ARHGEF40: variants seen among roughly 807,000 people sequenced by gnomAD.
ARHGEF40 encodes Rho guanine nucleotide exchange factor 40.
Under a neutral mutation model 165.9 loss-of-function variants are expected in ARHGEF40, and 98 were observed. The ratio of observed to expected loss-of-function variants is 0.59; its 90% CI spans 0.50 to 0.70. ARHGEF40 has a LOEUF of 0.70. ARHGEF40 is among the 30% of genes least tolerant of loss of function. The pLI is 0.00. For synonymous variants in ARHGEF40, 792 were observed against 814.3 expected (o/e 0.97, Z 0.47); for missense variants, 1,815 against 1,968.0 (o/e 0.92, Z 1.47).
rs1886638776 is a variant in ARHGEF40 at position 21,070,457 on chromosome 14, G to A, written c.3+58G>A. On this transcript the variant is annotated intron_variant, in intron 1 of 23. Coordinates refer to ENST00000298694, the MANE Select transcript of ARHGEF40 (RefSeq NM_018071.5). This position sits in a 1 kb window ranked among gnomAD's most constrained non-coding sequence, Gnocchi z 4.7. ...TCGGCCTTCGCGCAGCCCGCTCCGG[G>A]CCCCCAAGTCCTCAGCCTGGTGCCT... is the stretch of plus-strand genomic sequence containing the variant. 5 of 1,354,712 alleles carry A rather than the reference G, an allele frequency of 3.7e-6. No homozygotes were observed. The highest frequency in any genetic ancestry group is 1.9e-5 in the South Asian group (1 of 52,490). The allele number at this position is 1,354,712 out of a possible 1,614,324, so 83.9% of individuals were successfully genotyped here.
rs1244988320 is a variant in ARHGEF40, at chr14:21,077,882, G to A, written c.2035-295G>A. 2.0e-5 allele frequency among the ~76,000 whole-genome samples: 3 copies of A among 152,196 alleles called. No homozygotes were observed. In the East Asian group the frequency reaches 5.8e-4, roughly 29 times the overall value. ...GGGAAGCCCCACTGAAGACAGACAG[G>A]AAGGTCACAGTTACCAAGCTGTACA... is the stretch of plus-strand genomic sequence containing the variant. On this transcript the variant is annotated intron_variant, in intron 8 of 23. Coordinates refer to ENST00000298694, the MANE Select transcript of ARHGEF40 (RefSeq NM_018071.5).
rs753872972 is a variant in ARHGEF40 at position 21,074,907 on chromosome 14, C to T, written c.1177C>T (p.Arg393Ter). 3 of 1,608,946 alleles carry T rather than the reference C, an allele frequency of 1.9e-6. No individual in the cohort carries two copies. The highest frequency in any genetic ancestry group is 1.7e-5 in the Admixed American group (1 of 58,964). Reference sequence around the variant, plus strand: ...AGCTGCAGGTCGAGGGGCTCTTAGCCGAGGAGGGGACAGTGCCCCACTGAG... The same window carrying T: ...AGCTGCAGGTCGAGGGGCTCTTAGCTGAGGAGGGGACAGTGCCCCACTGAG... ...KRAAGRGALSRGGDSAPLSPG... is the reference protein window; with the variant it reads ...KRAAGRGALS Residue 393 changes from arginine (R) to a stop codon, truncating the protein, a stop_gained, in exon 3 of 24, where the codon CGA becomes TGA. Coordinates refer to ENST00000298694, the MANE Select transcript of ARHGEF40 (RefSeq NM_018071.5). LOFTEE classifies it high-confidence loss of function. The surrounding 1 kb of genome is among the most constrained non-coding windows in gnomAD (Gnocchi z 4.8).
chr14:21,083,066 C>A, intron 16 of ARHGEF40, 149 bp downstream of exon 16: 2 of 724,760 alleles, frequency 2.8e-6, no homozygotes, highest in Non-Finnish European at 4.6e-6. Flanking sequence ...GTGGGACAAG[C>A]ACCGGACTGG....
At chr14:21,085,608 G>T in intron 18 of ARHGEF40, 81 bp from the exon 19 acceptor site, 6 of 1,505,588 alleles carry the variant, frequency 4.0e-6, no homozygotes, top group Non-Finnish European at 5.4e-6. Flanking sequence ...CAGATGCCAG[G>T]CGAAGCCCAG....
intron 7 of ARHGEF40, 37 bp from the exon 8 acceptor site, chr14:21,076,737 G>C: frequency 6.2e-7 from 1 of 1,610,010 alleles, no homozygotes; most frequent in Non-Finnish European, 8.5e-7. Context: ...GAGTCCTTGG[G>C]TGCCCAGGAA....
At chr14:21,067,640 A>G (rs1324065479), upstream of ARHGEF40, among the ~76,000 whole-genome samples, 1 of 152,152 alleles carries the variant, frequency 6.6e-6, no homozygotes, top group Non-Finnish European at 1.5e-5. Flanking sequence ...ACTGTTTGTG[A>G]ATGAGAAGGC....
chr14:21,087,533 T>C, intron 21 of ARHGEF40, 70 bp downstream of exon 21: 1 of 1,564,822 alleles, frequency 6.4e-7, no homozygotes, highest in South Asian at 1.1e-5. Flanking sequence ...TGCTTGCTGC[T>C]GAGCAATTCC....
In ARHGEF40 at chr14:21,083,937, G is replaced by C. The variant is rs760731994; in HGVS notation, c.3676G>C (p.Gly1226Arg). 6.2e-7 allele frequency: 1 copy of C among 1,614,078 alleles called. No individual in the cohort carries two copies. The change falls in exon 17 of 24, where the codon GGG becomes CGG. Residue 1226 changes from glycine (G) to arginine (R), a missense_variant. Physicochemically the swap from Gly to Arg is moderately radical, Grantham distance 125. Transcript: ENST00000298694. ...RLLEELLREA[G>R]PELSSECRAL... ...CCTGGAGGAGCTCCTGAGGGAAGCTGGGCCTGAGCTCAGTTCTGAGTGCCG... is the reference window on the plus strand; with the variant it reads ...CCTGGAGGAGCTCCTGAGGGAAGCTCGGCCTGAGCTCAGTTCTGAGTGCCG...
rs546541602 is a variant in ARHGEF40 at position 21,084,985 on chromosome 14, G to A, written c.3960+62G>A. On this transcript the variant is annotated intron_variant, in intron 18 of 23. Transcript: ENST00000298694. ...AGTCATTCTCTTCTTGAGAACTCAG[G>A]ATGTTCTGGAAATTCAGCCCCAACA... 6.9e-5 allele frequency: 109 copies of A among 1,569,916 alleles called. No homozygotes were observed. In the South Asian group the frequency reaches 1.2e-3, roughly 18 times the overall value.
chr14:21,084,786 C>T lies in ARHGEF40; in HGVS notation c.3823C>T (p.Arg1275Ter). 1 of 1,614,038 alleles carries T rather than the reference C, an allele frequency of 6.2e-7. No individual in the cohort carries two copies. The highest frequency in any genetic ancestry group is 1.3e-5 in the African/African-American group (1 of 75,050). ...GAAGGAGCAGGGACAGCTCTTGCAT[C>T]GAGACCCCTTCACTGTCATCTGTGG... ...DLKEQGQLLH[R>*]DPFTVICGRK... The change falls in exon 18 of 24, where the codon CGA (arginine) becomes TGA (stop). Residue 1275 changes from arginine to a stop codon, truncating the protein, a stop_gained. Transcript: ENST00000298694. LOFTEE classifies it high-confidence loss of function.
Position 21,078,397 on chromosome 14 carries a change from C to G in ARHGEF40, c.2155C>G (p.Leu719Val). Residue 719 changes from leucine to valine, a missense_variant, in exon 10 of 24, where the codon CTG (leucine) becomes GTG (valine). Coordinates refer to ENST00000298694, the MANE Select transcript of ARHGEF40 (RefSeq NM_018071.5). The stretch of plus-strand genomic sequence containing the variant: ...GGAGGCAGTGGGAATGCCCAAGCCA[C>G]TGCAGAAGGTGCTGGCAGATCCCCG... ...EEEAVGMPKP[L>V]QKVLADPRLT... The G allele has an allele frequency of 5.6e-6, 9 of 1,610,382 alleles. No homozygotes were observed. The highest frequency in any genetic ancestry group is 6.8e-6 in the Non-Finnish European group (8 of 1,177,700).
At chr14:21,088,319 G>A (rs1888538159) in intron 22 of ARHGEF40, among the ~76,000 whole-genome samples, 1 of 152,124 alleles carries the variant, frequency 6.6e-6, no homozygotes, top group South Asian at 2.1e-4. Flanking sequence ...TCTTAAATAA[G>A]GAGTATAGTG....
At chr14:21,082,990 C>T (rs1340133303) in intron 16 of ARHGEF40, 73 bp downstream of exon 16, 4 of 1,382,712 alleles carry the variant, frequency 2.9e-6, no homozygotes, top group Non-Finnish European at 4.1e-6. Flanking sequence ...CAACAAATCC[C>T]TCAGGGCAAA....
At position 21,076,812 on chromosome 14, in the gene ARHGEF40, G is replaced by A; in HGVS notation, c.1956G>A (p.Val652=). 1 of 1,614,054 alleles carries A rather than the reference G, an allele frequency of 6.2e-7. No homozygotes were observed. The highest frequency in any genetic ancestry group is 8.5e-7 in the Non-Finnish European group (1 of 1,180,026). ...EVLSENDLKR[V]AKPEELQWEL... is the part of the protein sequence containing the mutation. Reference sequence around the variant, plus strand: ...TGTCAGAGAATGATCTGAAAAGAGTGGCCAAGCCAGAGGAGCTGCAGTGGG... The same window carrying A: ...TGTCAGAGAATGATCTGAAAAGAGTAGCCAAGCCAGAGGAGCTGCAGTGGG... The change falls in exon 8 of 24, where the codon GTG becomes GTA. Residue 652 remains valine (V), a synonymous_variant. Transcript: ENST00000298694.
Position 21,082,493 on chromosome 14 carries a change from C to G in ARHGEF40, c.3486+15C>G. On this transcript the variant is annotated intron_variant, in intron 15 of 23. Coordinates refer to ENST00000298694, the MANE Select transcript of ARHGEF40 (RefSeq NM_018071.5). The stretch of plus-strand genomic sequence containing the variant: ...TCCTTCGCCACGTGAGTGATCCCCT[C>G]AACTTCTTCCAAGTGCTCTCCCTTC... 1 of 1,559,384 alleles carries G rather than the reference C, an allele frequency of 6.4e-7. No homozygotes were observed. The highest frequency in any genetic ancestry group is 8.7e-7 in the Non-Finnish European group (1 of 1,151,716).
Position 21,078,240 on chromosome 14 carries a change from G to A in ARHGEF40, c.2098G>A (p.Glu700Lys). 6.2e-7 allele frequency: 1 copy of A among 1,614,060 alleles called. No individual in the cohort carries two copies. Among genetic ancestry groups the A allele is most frequent in the Non-Finnish European group, 8.5e-7 (1 of 1,179,996 alleles). The change falls in exon 9 of 24, where the codon GAG becomes AAG. Residue 700 changes from glutamate to lysine, a missense_variant. By Grantham distance (56) the Glu-to-Lys change is moderately conservative. Transcript: ENST00000298694. ...VLGSVRQAIE[E>K]LEGAAEPEEE... ...GGGCTCGGTACGGCAGGCCATTGAGGAGCTGGAGGGAGCAGCAGAGCCAGA... is the reference window on the plus strand; with the variant it reads ...GGGCTCGGTACGGCAGGCCATTGAGAAGCTGGAGGGAGCAGCAGAGCCAGA...
intron 5 of ARHGEF40, among the ~76,000 whole-genome samples, chr14:21,076,070 A>G (rs993754593): frequency 3.3e-5 from 5 of 152,216 alleles, no homozygotes; most frequent in Admixed American, 2.6e-4. Flanking sequence ...GCACCATACT[A>G]CAGGCTGATA....
At position 21,087,464 on chromosome 14, in the gene ARHGEF40, G is replaced by A. The variant is rs1389993678; in HGVS notation, c.4387+1G>A. ...CTGGACGTCAAGCAAATTTCCCTGG[G>A]TGAGGCACCTCTCAAGGGGTGGCTC... On this transcript the variant is annotated splice_donor_variant, in intron 21 of 23. Coordinates refer to ENST00000298694, the MANE Select transcript of ARHGEF40 (RefSeq NM_018071.5). LOFTEE classifies it high-confidence loss of function. 6.2e-7 allele frequency: 1 copy of A among 1,600,564 alleles called. No individual in the cohort carries two copies. Among genetic ancestry groups the A allele is most frequent in the Non-Finnish European group, 8.5e-7 (1 of 1,179,878 alleles).
rs7342490 is a variant in ARHGEF40 at position 21,084,846 on chromosome 14, G to C, written c.3883G>C (p.Glu1295Gln). ...GTGCCTTCGCCATGTCTTTCTCTTC[G>C]AGCATCTCCTCCTGTTCAGCAAGCT... ...KKCLRHVFLF[E>Q]HLLLFSKLKG... Residue 1295 changes from glutamate (E) to glutamine (Q), a missense_variant, in exon 18 of 24, where the codon GAG (glutamate) becomes CAG (glutamine). Glu to Gln is a conservative substitution (Grantham distance 29, BLOSUM62 2). Coordinates refer to ENST00000298694, the MANE Select transcript of ARHGEF40 (RefSeq NM_018071.5). 1 of 1,614,064 alleles carries C rather than the reference G, an allele frequency of 6.2e-7. No individual in the cohort carries two copies. The highest frequency in any genetic ancestry group is 8.5e-7 in the Non-Finnish European group (1 of 1,180,044).
Sources: gnomAD v4.1 joint callset for allele counts (sites outside exome capture counted in the v4.1 genomes callset) on GRCh38, gnomAD v4.1.1 for gene constraint, Gnocchi (gnomAD v3.1) non-coding constraint, MANE v1.5 for transcripts, NCBI Gene and HGNC (gene_info 2026-07-23, HGNC 2026-07-21) for gene names.